Variants in MGAM observed in about 807,000 individuals in gnomAD.
MGAM encodes alpha-1,4-glucosidase.
MGAM carries 253 observed loss-of-function variants against 358.8 expected under a neutral mutation model. The observed-to-expected ratio is 0.71, with a 90% confidence interval of 0.64 to 0.78. The LOEUF (loss-of-function observed/expected upper bound fraction) is 0.78, where lower values mean the gene tolerates loss of function less well. MGAM is among the 30% of genes least tolerant of loss of function. MGAM has a pLI of 0.00. For synonymous variants in MGAM, 1,105 were observed against 1,227.1 expected (o/e 0.90, Z 2.08); for missense variants, 3,080 against 3,432.6 (o/e 0.90, Z 2.57).
rs1554458493 is a variant in MGAM, at chr7:142,021,014, G to A, written c.489G>A (p.Val163=). Residue 163 remains valine, a synonymous_variant, in exon 5 of 71, where the codon GTG becomes GTA. Transcript: ENST00000475668. ...TGAAAAATCTGCCTTCTTCACCAGT[G>A]TTTGGAAGCAATGTTGACAATGTTC... ...ARLKNLPSSP[V]FGSNVDNVLL... The A allele has an allele frequency of 6.2e-7, 1 of 1,613,616 alleles. No homozygotes were observed. Among genetic ancestry groups the A allele is most frequent in the Non-Finnish European group, 8.5e-7 (1 of 1,179,734 alleles).
chr7:142,025,186 T>C, intron 8 of MGAM, 37 bp downstream of exon 8: 1 of 1,440,860 alleles, frequency 6.9e-7, no homozygotes, highest in East Asian at 2.3e-5. Context: ...AGCACAAGAG[T>C]GATTTTCAGT....
chr7:142,023,942 C>T (rs782780128), intron 7 of MGAM, among the ~76,000 whole-genome samples: 2 of 152,050 alleles, frequency 1.3e-5, no homozygotes, highest in Non-Finnish European at 2.9e-5. Flanking sequence ...GAATTAAAAT[C>T]TGCATTTAGG....
chr7:142,030,698 G>T lies in MGAM; in HGVS notation c.1411G>T (p.Gly471Cys), dbSNP rs377157038. 2 of 1,613,224 alleles carry T rather than the reference G, an allele frequency of 1.2e-6. No individual in the cohort carries two copies. The highest frequency in any genetic ancestry group is 1.3e-5 in the African/African-American group (1 of 74,822). ...TAAACCCTATGGCCCATATGACAGG[G>T]GTTCAGATATGAAGATATGGGTGAA... Reference protein sequence around the residue: ...SSKPYGPYDRGSDMKIWVNSS... With the variant: ...SSKPYGPYDRCSDMKIWVNSS... Residue 471 changes from glycine to cysteine, a missense_variant, in exon 12 of 71, where the codon GGT becomes TGT. Coordinates refer to ENST00000475668, the MANE Select transcript of MGAM (RefSeq NM_001365693.1).
At chr7:142,079,671 G>A (rs1814070774) in intron 49 of MGAM, among the ~76,000 whole-genome samples, 1 of 146,248 alleles carries the variant, frequency 6.8e-6, no homozygotes, top group Non-Finnish European at 1.5e-5. Context: ...CTCAAGGATA[G>A]GAATGTGCCC....
rs781808897 is a variant in MGAM at position 142,034,306 on chromosome 7, G to A, written c.1714G>A (p.Ala572Thr). 4 of 1,600,030 alleles carry A rather than the reference G, an allele frequency of 2.5e-6. No individual in the cohort carries two copies. The Admixed American group carries it at 5.2e-5, about 21-fold the overall frequency. Residue 572 changes from alanine to threonine, a missense_variant, in exon 15 of 71, where the codon GCA becomes ACA. Physicochemically the swap from Ala to Thr is moderately conservative, Grantham distance 58. Coordinates refer to ENST00000475668, the MANE Select transcript of MGAM (RefSeq NM_001365693.1). Reference protein sequence around the residue: ...YLFCKTLCMDAVQHWGKQYDI... With the variant: ...YLFCKTLCMDTVQHWGKQYDI... ...GTTCTGCAAGACTCTCTGTATGGAT[G>A]CAGTGCAGCACTGGGGCAAGCAGTA...
chr7:142,056,251 T>A (rs1416660314), intron 29 of MGAM, among the ~76,000 whole-genome samples, 155 bp downstream of exon 29: 1 of 152,234 alleles, frequency 6.6e-6, no homozygotes, highest in Non-Finnish European at 1.5e-5. Context: ...TTCTGTTTAT[T>A]TCAATCTAAT....
intron 36 of MGAM, among the ~76,000 whole-genome samples, chr7:142,063,959 A>C (rs927399666): frequency 2.0e-5 from 3 of 152,122 alleles, no homozygotes; most frequent in Non-Finnish European, 4.4e-5. Context: ...TTGGAGTTAC[A>C]CTTGGGTTCA....
intron 21 of MGAM, among the ~76,000 whole-genome samples, chr7:142,047,519 A>G (rs1023338204): frequency 3.3e-5 from 5 of 152,040 alleles, no homozygotes; most frequent in African/African-American, 1.2e-4. Context: ...AGCAGCTTTT[A>G]TTTGAGTTAT....
chr7:141,987,329 T>C (rs528191386), intron 2 of MGAM, among the ~76,000 whole-genome samples: 9 of 152,340 alleles, frequency 5.9e-5, no homozygotes, highest in Non-Finnish European at 5.9e-5. Flanking sequence ...TACATGTGTA[T>C]CCCATTCTCT....
chr7:142,045,753 TC>T (rs1237531839), intron 21 of MGAM, among the ~76,000 whole-genome samples: 3 of 67,148 alleles, frequency 4.5e-5, no homozygotes, highest in South Asian at 3.7e-4. Context: ...ATAATATATA[TC>T]ATATATACAT....
chr7:142,065,506 C>A (rs1410496396), intron 38 of MGAM, 38 bp downstream of exon 38: 1 of 1,613,844 alleles, frequency 6.2e-7, no homozygotes, highest in South Asian at 1.1e-5. Context: ...GCCGACAGGG[C>A]AGGGAGTTGG....
chr7:142,055,109 A>C (rs1563172351), intron 27 of MGAM, among the ~76,000 whole-genome samples: 1 of 152,220 alleles, frequency 6.6e-6, no homozygotes, highest in Admixed American at 6.5e-5. Context: ...AATGTGCCTG[A>C]GGATTCATCC....
chr7:142,054,772 A>G lies in MGAM; in HGVS notation c.3178A>G (p.Asn1060Asp), dbSNP rs1811330613. 3 of 1,613,744 alleles carry G rather than the reference A, an allele frequency of 1.9e-6. No individual in the cohort carries two copies. The highest frequency in any genetic ancestry group is 1.3e-5 in the African/African-American group (1 of 74,908). The change falls in exon 27 of 71, where the codon AAT becomes GAT. Residue 1060 changes from asparagine (N) to aspartate (D), a missense_variant. Asn to Asp is a conservative substitution (Grantham distance 23). This residue lies in a region of MGAM where 1,816 missense variants were observed against 1,840.5 expected (regional missense o/e 0.99). Transcript: ENST00000475668. ...GGCCTAGATTTATGATCCCAACAAG[A>G]ATCGGTATGAAGTTCCAGTCCCTCT... is the stretch of plus-strand genomic sequence containing the variant. The part of the protein sequence containing the change: ...LQFKIYDPNK[N>D]RYEVPVPLNI...
At position 142,027,369 on chromosome 7, in the gene MGAM, A is replaced by T. The variant is rs1405397683; in HGVS notation, c.1095+142A>T. The stretch of plus-strand genomic sequence containing the variant: ...TTAAAGAACAGATTTCATATATGCA[A>T]TGGAAACTTGCTGTATAGCATTTTT... On this transcript the variant is annotated intron_variant, in intron 9 of 70. Transcript: ENST00000475668. 12 of 792,666 alleles carry T rather than the reference A, an allele frequency of 1.5e-5. No individual in the cohort carries two copies. The Admixed American group carries it at 3.2e-4, about 21-fold the overall frequency. The allele number at this position is 792,666 out of a possible 1,614,324, so 49.1% of individuals were successfully genotyped here. A position where few individuals can be genotyped will look rare whatever the true frequency, so the allele number is the denominator to read the frequency against.
rs190550326 is a variant in MGAM at position 142,069,845 on chromosome 7, A to G, written c.5061+1142A>G. ...AGTCTCCCATTCACTACCAGAAGATATCTTTGATGGAAGAGGGAAAGACAA... is the reference window on the plus strand; with the variant it reads ...AGTCTCCCATTCACTACCAGAAGATGTCTTTGATGGAAGAGGGAAAGACAA... On this transcript the variant is annotated intron_variant, in intron 43 of 70. Coordinates refer to ENST00000475668, the MANE Select transcript of MGAM (RefSeq NM_001365693.1). 3.4e-5 allele frequency among the ~76,000 whole-genome samples: 5 copies of G among 145,566 alleles called. 2 individuals are homozygous for G. The highest frequency in any genetic ancestry group is 2.1e-4 in the Admixed American group (3 of 14,416).
At chr7:142,025,019 T>C (rs782400205) in intron 7 of MGAM, 31 bp from the exon 8 acceptor site, 2 of 1,538,342 alleles carry the variant, frequency 1.3e-6, no homozygotes, top group Non-Finnish European at 1.8e-6. Flanking sequence ...TTCTTAGTTG[T>C]AAATTTTGGT....
At position 142,005,534 on chromosome 7, in the gene MGAM, G is replaced by C; in HGVS notation, c.4G>C (p.Ala2Pro). 2 of 1,538,074 alleles carry C rather than the reference G, an allele frequency of 1.3e-6. No individual in the cohort carries two copies. Among genetic ancestry groups the C allele is most frequent in the South Asian group, 2.5e-5 (2 of 79,562 alleles). The change falls in exon 2 of 71, where the codon GCA becomes CCA. Residue 2 changes from alanine to proline, a missense_variant. Coordinates refer to ENST00000475668, the MANE Select transcript of MGAM (RefSeq NM_001365693.1). ...TGTTTTCTCTTACATTTTAGAGATG[G>C]CAAGAAAGAAGCTGAAAAAATTTAC... The part of the protein sequence containing the change: M[A>P]RKKLKKFTTL...
At chr7:141,999,163 A>G (rs1475019933) in intron 1 of MGAM, among the ~76,000 whole-genome samples, 1 of 152,194 alleles carries the variant, frequency 6.6e-6, no homozygotes, top group Non-Finnish European at 1.5e-5. Context: ...GTAGGAACTT[A>G]ATAAATAATT....
Position 142,056,053 on chromosome 7 carries a change from C to T in MGAM, c.3537C>T (p.Asp1179=), listed in dbSNP as rs200989242. The change falls in exon 29 of 71, where the codon GAC becomes GAT. Residue 1179 remains aspartate (D), a synonymous_variant. Transcript: ENST00000475668. The part of the protein sequence containing the change: ...VHPYYMGLEE[D]GSAHGVLLLN... ...CCTACTACATGGGGCTGGAGGAGGA[C>T]GGCAGTGCCCATGGAGTGCTCCTGC... 531 of 1,611,476 alleles carry T rather than the reference C, an allele frequency of 3.3e-4. 2 individuals carry two copies. In the East Asian group the frequency reaches 4.2e-3, roughly 13 times the overall value.
Sources: gnomAD v4.1 joint callset for allele counts (sites outside exome capture counted in the v4.1 genomes callset) on GRCh38, gnomAD v4.1.1 for gene constraint, gnomAD v4.1.1 regional missense constraint, MANE v1.5 for transcripts, NCBI Gene and HGNC (gene_info 2026-07-23, HGNC 2026-07-21) for gene names.